SAMD4A: variants seen among roughly 807,000 people sequenced by gnomAD.
SAMD4A encodes sterile alpha motif domain containing 4A, also known as protein Smaug homolog 1.
SAMD4A carries 33 observed loss-of-function variants against 81.3 expected under a neutral mutation model. The ratio of observed to expected loss-of-function variants is 0.41; its 90% CI spans 0.31 to 0.54. The LOEUF (loss-of-function observed/expected upper bound fraction) is 0.54, where lower values mean the gene tolerates loss of function less well. Among genes scored for constraint, SAMD4A ranks in the 20% least tolerant of loss-of-function variants. SAMD4A has a pLI of 0.37. For missense variants in SAMD4A, 854 were observed against 951.1 expected (o/e 0.90, Z 1.34); for synonymous variants, 389 against 382.1 (o/e 1.02, Z -0.21).
intron 3 of SAMD4A, among the ~76,000 whole-genome samples, chr14:54,724,753 C>T (rs760233313): frequency 9.4e-4 from 143 of 152,294 alleles, no homozygotes; most frequent in African/African-American, 2.5e-3. Context: ...CAGGGAAGAA[C>T]GGTATAATTT....
intron 2 of SAMD4A, among the ~76,000 whole-genome samples, chr14:54,619,241 A>G (rs1366172780): frequency 6.6e-6 from 1 of 152,240 alleles, no homozygotes; most frequent in Non-Finnish European, 1.5e-5. Context: ...TATGGTTGTT[A>G]TCAAGACTTT....
At chr14:54,774,267 CTT>C (rs2139930280) in intron 9 of SAMD4A, among the ~76,000 whole-genome samples, 1 of 152,350 alleles carries the variant, frequency 6.6e-6, no homozygotes, top group African/African-American at 2.4e-5. Flanking sequence ...AGAGCACCTA[CTT>C]CATAGGGTTG....
intron 2 of SAMD4A, among the ~76,000 whole-genome samples, chr14:54,630,030 A>G (rs2034856787): frequency 6.6e-6 from 1 of 152,222 alleles, no homozygotes; most frequent in South Asian, 2.1e-4. Flanking sequence ...GAGGTTGAAT[A>G]ATATTCCATT....
At chr14:54,655,759 C>G (rs1229715319) in intron 2 of SAMD4A, among the ~76,000 whole-genome samples, 4 of 152,030 alleles carry the variant, frequency 2.6e-5, no homozygotes, top group Non-Finnish European at 5.9e-5. Context: ...AACAAACAAA[C>G]AAACAAAAAG....
At position 54,675,367 on chromosome 14, in the gene SAMD4A, C is replaced by CAAAAAAAAAAAAAAAA. The variant is rs59110762; in HGVS notation, c.197-26690_197-26675dup. On this transcript the variant is annotated intron_variant, in intron 2 of 12. Coordinates refer to ENST00000554335, the MANE Select transcript of SAMD4A (RefSeq NM_015589.6). ...GGCAACAAGAGTGAAACTCCGTCTC[C>CAAAAAAAAAAAAAAAA]AAAAAAAAAAAAAAAAAAAAGGCAG... 3.6e-3 allele frequency among the ~76,000 whole-genome samples: 272 copies of CAAAAAAAAAAAAAAAA among 75,358 alleles called. 19 individuals carry two copies. Among genetic ancestry groups the CAAAAAAAAAAAAAAAA allele is most frequent in the East Asian group, 8.0e-3 (13 of 1,634 alleles). The allele number at this position is 75,358 out of a possible 152,430, so 49.4% of individuals were successfully genotyped here.
intron 5 of SAMD4A, 102 bp downstream of exon 5, chr14:54,749,026 G>A: frequency 1.3e-6 from 1 of 770,238 alleles, no homozygotes; most frequent in East Asian, 2.7e-5. Flanking sequence ...TGCCCACACA[G>A]TAGCTTGCCC....
At chr14:54,699,560 T>C (rs956767598) in intron 2 of SAMD4A, among the ~76,000 whole-genome samples, 10 of 152,192 alleles carry the variant, frequency 6.6e-5, no homozygotes, top group Non-Finnish European at 1.5e-4. Context: ...TTTAAGACTT[T>C]TAAAAGATTT....
intron 3 of SAMD4A, among the ~76,000 whole-genome samples, chr14:54,712,566 T>C (rs542286032): frequency 6.6e-6 from 1 of 152,162 alleles, no homozygotes; most frequent in Non-Finnish European, 1.5e-5. Context: ...GGCTGATCCT[T>C]CTCCTGTTTC....
chr14:54,753,856 T>C (rs1256662224), intron 6 of SAMD4A, among the ~76,000 whole-genome samples: 1 of 152,234 alleles, frequency 6.6e-6, no homozygotes, highest in African/African-American at 2.4e-5. Flanking sequence ...TTTAATTTTA[T>C]ACTACTTTAG....
chr14:54,777,698 G>C (rs369046605), intron 11 of SAMD4A, among the ~76,000 whole-genome samples: 1 of 152,078 alleles, frequency 6.6e-6, no homozygotes, highest in Non-Finnish European at 1.5e-5. Context: ...GGAATTGGGA[G>C]GTCAGGGAGG....
chr14:54,770,017 T>G (rs558444753), intron 8 of SAMD4A, 87 bp from the exon 9 acceptor site: 1 of 834,844 alleles, frequency 1.2e-6, no homozygotes, highest in Non-Finnish European at 2.0e-6. Context: ...CTGCAGAGAC[T>G]CCAATGTTTT....
chr14:54,787,578 C>A (rs568064190), intron 12 of SAMD4A, among the ~76,000 whole-genome samples: 11 of 152,334 alleles, frequency 7.2e-5, no homozygotes, highest in African/African-American at 1.9e-4. Context: ...TGGACCAGTT[C>A]TGTAATATTG....
chr14:54,738,241 G>A (rs2037749365), intron 4 of SAMD4A, among the ~76,000 whole-genome samples: 1 of 152,220 alleles, frequency 6.6e-6, no homozygotes, highest in Non-Finnish European at 1.5e-5. Flanking sequence ...TGAATGATCA[G>A]TGTTGACATA....
chr14:54,643,601 C>T (rs565190740), intron 2 of SAMD4A, among the ~76,000 whole-genome samples: 3 of 152,310 alleles, frequency 2.0e-5, no homozygotes, highest in South Asian at 4.1e-4. Flanking sequence ...CTAGATATTT[C>T]CCTTTCAGCC....
At chr14:54,670,960 T>G (rs2035868439) in intron 2 of SAMD4A, among the ~76,000 whole-genome samples, 1 of 152,138 alleles carries the variant, frequency 6.6e-6, no homozygotes, top group Non-Finnish European at 1.5e-5. Context: ...GAGTGAATTC[T>G]TTTTCCCCTC....
chr14:54,576,097 C>T lies in SAMD4A; in HGVS notation c.196+7985C>T, dbSNP rs553259461. ...AGAGCAGGAATGTTCATTCCAGAGA[C>T]TGGATGGGAGAGTTCTCTTCCCCCT... On this transcript the variant is annotated intron_variant, in intron 2 of 12. Coordinates refer to ENST00000554335, the MANE Select transcript of SAMD4A (RefSeq NM_015589.6). 2.6e-3 allele frequency among the ~76,000 whole-genome samples: 360 copies of T among 138,314 alleles called. 3 individuals carry two copies. Among genetic ancestry groups the T allele is most frequent in the South Asian group, 5.6e-3 (23 of 4,076 alleles). 90.7% of individuals were successfully genotyped at this position (138,314 alleles called of 152,430 possible). A position where few individuals can be genotyped will look rare whatever the true frequency, so the allele number is the denominator to read the frequency against.
chr14:54,595,202 CA>C (rs2140198593), intron 2 of SAMD4A, among the ~76,000 whole-genome samples: 1 of 152,194 alleles, frequency 6.6e-6, no homozygotes, highest in Non-Finnish European at 1.5e-5. Context: ...CAGGTATAGC[CA>C]TTTTAGTTCA....
At chr14:54,716,809 G>GT (rs2140838274) in intron 3 of SAMD4A, among the ~76,000 whole-genome samples, 1 of 152,190 alleles carries the variant, frequency 6.6e-6, no homozygotes, top group East Asian at 1.9e-4. Context: ...CTGATTGTAT[G>GT]TTTGGATTAT....
intron 2 of SAMD4A, among the ~76,000 whole-genome samples, chr14:54,695,772 G>T (rs1170708889): frequency 6.6e-6 from 1 of 151,916 alleles, no homozygotes. Context: ...AGCCAACATG[G>T]TGAAACCCCA....
Sources: allele counts gnomAD v4.1 joint callset (sites outside exome capture counted in the v4.1 genomes callset), GRCh38; gene constraint gnomAD v4.1.1; transcripts MANE v1.5; gene names NCBI Gene and HGNC (gene_info 2026-07-23, HGNC 2026-07-21).